The following PRKD1 variants were observed in gnomAD, a reference collection of about 807,000 sequenced individuals.
The protein encoded by PRKD1 is protein kinase D1, also known as serine/threonine-protein kinase D1.
PRKD1 carries 63 observed loss-of-function variants against 95.9 expected under a neutral mutation model. The ratio of observed to expected loss-of-function variants is 0.66; its 90% CI spans 0.54 to 0.81. The LOEUF (loss-of-function observed/expected upper bound fraction) is 0.81. PRKD1 is among the 30% of genes least tolerant of loss of function. The pLI is 0.00. For missense variants in PRKD1, 1,048 were observed against 1,165.3 expected (o/e 0.90, Z 1.47); for synonymous variants, 425 against 423.1 (o/e 1.00, Z -0.05).
intron 4 of PRKD1, among the ~76,000 whole-genome samples, chr14:29,658,196 G>C (rs753926868): frequency 1.8e-4 from 28 of 152,142 alleles, no homozygotes; most frequent in Non-Finnish European, 3.7e-4. Context: ...CTGGGCCGTC[G>C]TCACAATTCA....
intron 1 of PRKD1, among the ~76,000 whole-genome samples, chr14:29,876,147 C>T (rs1171707382): frequency 6.6e-6 from 1 of 152,192 alleles, no homozygotes; most frequent in Non-Finnish European, 1.5e-5. Context: ...TCTTCCAAGG[C>T]TATTCACTAT....
chr14:29,832,269 G>T (rs927952451), intron 1 of PRKD1, among the ~76,000 whole-genome samples: 4 of 152,018 alleles, frequency 2.6e-5, no homozygotes, highest in Non-Finnish European at 5.9e-5. Context: ...CTGTTGGTGG[G>T]TATATGAAAT....
intron 1 of PRKD1, among the ~76,000 whole-genome samples, chr14:29,821,190 G>A (rs1890896645): frequency 6.6e-6 from 1 of 152,130 alleles, no homozygotes; most frequent in African/African-American, 2.4e-5. Context: ...TAACACTGAG[G>A]ATAATTAAAT....
At chr14:29,744,117 T>C (rs1887105460) in intron 1 of PRKD1, among the ~76,000 whole-genome samples, 1 of 152,164 alleles carries the variant, frequency 6.6e-6, no homozygotes. Context: ...TCTAACTCTA[T>C]CATTGAGCCT....
chr14:29,885,124 T>TTAAAAAAAAAAAAAA (rs1232960518), intron 1 of PRKD1, among the ~76,000 whole-genome samples: 1 of 131,074 alleles, frequency 7.6e-6, no homozygotes, highest in African/African-American at 2.9e-5. Context: ...CTCCATCTTT[T>TTAAAAAAAAAAAAAA]AAAAAAAAAA....
intron 1 of PRKD1, among the ~76,000 whole-genome samples, chr14:29,887,454 T>C (rs891776306): frequency 2.0e-5 from 3 of 152,168 alleles, no homozygotes; most frequent in African/African-American, 7.2e-5. Context: ...AACAATTACC[T>C]GTAATGTGAC....
intron 4 of PRKD1, among the ~76,000 whole-genome samples, chr14:29,660,443 C>T (rs938947669): frequency 1.3e-5 from 2 of 152,156 alleles, no homozygotes; most frequent in South Asian, 4.1e-4. Flanking sequence ...GGAGGCTGCC[C>T]TGTGTACTGA....
chr14:29,623,431 T>C (rs1301567350), intron 13 of PRKD1, among the ~76,000 whole-genome samples: 1 of 152,222 alleles, frequency 6.6e-6, no homozygotes, highest in Non-Finnish European at 1.5e-5. Flanking sequence ...TTAAAAATTA[T>C]GACATGCTTG....
chr14:29,618,257 C>CT (rs1879002351), intron 13 of PRKD1, among the ~76,000 whole-genome samples: 2 of 104,508 alleles, frequency 1.9e-5, no homozygotes, highest in Admixed American at 9.4e-5. Context: ...TATCTACATT[C>CT]ATTTTTTTTT....
chr14:29,663,863 G>A lies in PRKD1; in HGVS notation c.536-4C>T. 6.2e-7 allele frequency: 1 copy of A among 1,611,222 alleles called. No homozygotes were observed. Among genetic ancestry groups the A allele is most frequent in the East Asian group, 2.2e-5 (1 of 44,854 alleles). Reference sequence around the variant, plus strand: ...TTATGGTAATTCAGACCACACCCTGGAAAGGGAAAATAAAAATTATTTTTA... The same window carrying A: ...TTATGGTAATTCAGACCACACCCTGAAAAGGGAAAATAAAAATTATTTTTA... On this transcript the variant is annotated splice_polypyrimidine_tract_variant and splice_region_variant and intron_variant, in intron 3 of 17. Transcript: ENST00000331968.
intron 1 of PRKD1, among the ~76,000 whole-genome samples, chr14:29,820,211 G>A (rs768555785): frequency 2.4e-4 from 37 of 152,242 alleles, no homozygotes; most frequent in Non-Finnish European, 4.6e-4. Context: ...GCTACTACCC[G>A]GGTGGTCTGA....
rs938046397 is a variant in PRKD1 at position 29,844,434 on chromosome 14, C to T, written c.264+82815G>A. Among the ~76,000 whole-genome samples, 4 of 152,006 alleles carry T rather than the reference C, an allele frequency of 2.6e-5. No individual in the cohort carries two copies. In the South Asian group the frequency reaches 8.3e-4, roughly 32 times the overall value. On this transcript the variant is annotated intron_variant, in intron 1 of 17. Transcript: ENST00000331968. Reference sequence around the variant, plus strand: ...AAATAATTGTCTAAAAAGAGTGAACCAATTCAACAAATTATGGTACATACC... The same window carrying T: ...AAATAATTGTCTAAAAAGAGTGAACTAATTCAACAAATTATGGTACATACC...
intron 13 of PRKD1, among the ~76,000 whole-genome samples, chr14:29,609,506 GCACACACACACACACACACACACA>G (rs150570301): frequency 7.8e-6 from 1 of 127,428 alleles, no homozygotes; most frequent in Non-Finnish European, 1.6e-5. Flanking sequence ...GTGTGTGCGT[GCACACACACACACACACACACACA>G]CACACACATA....
chr14:29,613,848 T>A (rs1316081069), intron 13 of PRKD1, among the ~76,000 whole-genome samples: 1 of 152,240 alleles, frequency 6.6e-6, no homozygotes, highest in African/African-American at 2.4e-5. Context: ...GGCATACTCT[T>A]GGAGAGCAAA....
intron 1 of PRKD1, among the ~76,000 whole-genome samples, chr14:29,808,510 C>T (rs1320450281): frequency 6.8e-6 from 1 of 147,600 alleles, no homozygotes; most frequent in Non-Finnish European, 1.5e-5. Flanking sequence ...AGCAATTCTC[C>T]TGCATCAGCT....
At chr14:29,826,686 C>CATATATAT (rs1891148453) in intron 1 of PRKD1, among the ~76,000 whole-genome samples, 10 of 34,112 alleles carry the variant, frequency 2.9e-4, no homozygotes, top group East Asian at 1.5e-3. Context: ...TATATATATA[C>CATATATAT]ACACATATAT....
chr14:29,770,434 AACCCCAGTCTTCTTAG>A (rs1360660691), intron 1 of PRKD1, among the ~76,000 whole-genome samples: 1 of 152,196 alleles, frequency 6.6e-6, no homozygotes, highest in Non-Finnish European at 1.5e-5. Flanking sequence ...TGCAGAGAAA[AACCCCAGTCTTCTTAG>A]AGATGACCTA....
chr14:29,760,835 G>A (rs1195823489), intron 1 of PRKD1, among the ~76,000 whole-genome samples: 1 of 152,098 alleles, frequency 6.6e-6, no homozygotes, highest in African/African-American at 2.4e-5. Flanking sequence ...GTTTATGTTT[G>A]GGTAGCTTAC....
intron 1 of PRKD1, among the ~76,000 whole-genome samples, chr14:29,759,559 C>G (rs986719004): frequency 6.6e-6 from 1 of 152,218 alleles, no homozygotes; most frequent in African/African-American, 2.4e-5. Context: ...TATCCCTCCA[C>G]ATTCTTAGCA....
Sources: gnomAD v4.1 joint callset for allele counts (sites outside exome capture counted in the v4.1 genomes callset) on GRCh38, gnomAD v4.1.1 for gene constraint, MANE v1.5 for transcripts, NCBI Gene and HGNC (gene_info 2026-07-23, HGNC 2026-07-21) for gene names.